Variants in GORASP1 observed in about 807,000 individuals in gnomAD.
GORASP1 encodes the protein golgi reassembly stacking protein 1.
GORASP1 carries 31 observed loss-of-function variants against 37.7 expected under a neutral mutation model. That is an observed-to-expected ratio of 0.82 (90% CI 0.62 to 1.11). The LOEUF (loss-of-function observed/expected upper bound fraction) is 1.11, where lower values mean the gene tolerates loss of function less well. GORASP1 is among the 50% of genes least tolerant of loss of function. The pLI, the probability that GORASP1 is intolerant of heterozygous loss-of-function variation, is 0.00. For missense variants in GORASP1, 476 were observed against 560.7 expected (o/e 0.85, Z 1.53); for synonymous variants, 204 against 224.8 (o/e 0.91, Z 0.83).
chr3:39,107,313 G>A (rs1314334811), intron 1 of GORASP1, 166 bp downstream of exon 1: 2 of 467,692 alleles, frequency 4.3e-6, no homozygotes, highest in Non-Finnish European at 7.3e-6. Flanking sequence ...CCGCGAGGCC[G>A]CCTCTCCCAG....
rs570485669 is a variant in GORASP1, at chr3:39,098,275, C to T, written c.1284G>A (p.Glu428=). 1.9e-6 allele frequency: 3 copies of T among 1,614,178 alleles called. No homozygotes were observed. The African/African-American group carries it at 4.0e-5, about 22-fold the overall frequency. The change falls in exon 9 of 9, where the codon GAG becomes GAA. Residue 428 remains glutamate (E), a synonymous_variant. Coordinates refer to ENST00000319283, the MANE Select transcript of GORASP1 (RefSeq NM_031899.4). The surrounding 1 kb of genome is among the most constrained non-coding windows in gnomAD (Gnocchi z 4.7). ...AGATCTGGGCCTGGCTGTCCAGCCC[C>T]TCAGCCTCCGTCCCAGTATCTAGGC... The part of the protein sequence containing the change: ...TEGLDTGTEA[E]GLDSQAQIST...
In GORASP1 at chr3:39,100,425, G is replaced by A. The variant is rs2035621543; in HGVS notation, c.645C>T (p.Gly215=). 1 of 1,612,670 alleles carries A rather than the reference G, an allele frequency of 6.2e-7. No individual in the cohort carries two copies. The highest frequency in any genetic ancestry group is 8.5e-7 in the Non-Finnish European group (1 of 1,179,152). Residue 215 remains glycine, a synonymous_variant, in exon 6 of 9, where the codon GGC becomes GGT. Transcript: ENST00000319283. This position sits in a 1 kb window ranked among gnomAD's most constrained non-coding sequence, Gnocchi z 4.6. ...GTGGTAGAGCAGAAGGTGGTGGGGT[G>A]CCAGGTGGCTTCTTGTGGTAGCTGG... ...QPPSYHKKPP[G]TPPPSALPLG... is the part of the protein sequence containing the mutation.
Position 39,098,191 on chromosome 3 carries a change from G to C in GORASP1, c.*45C>G. 6.3e-7 allele frequency: 1 copy of C among 1,595,490 alleles called. No individual in the cohort carries two copies. Among genetic ancestry groups the C allele is most frequent in the Admixed American group, 1.7e-5 (1 of 59,206 alleles). On this transcript the variant is annotated 3_prime_UTR_variant, in exon 9 of 9. Transcript: ENST00000319283. The surrounding 1 kb of genome is among the most constrained non-coding windows in gnomAD (Gnocchi z 4.7). ...CAGCCCGGGCTGCCTGCCCACATCT[G>C]GGCCTCATGAAATGTCATCATGGGC...
In GORASP1 at chr3:39,098,110, C is replaced by CG; in HGVS notation, c.*125_*126insC. The CG allele has an allele frequency of 8.6e-7, 1 of 1,158,558 alleles. No homozygotes were observed. Among genetic ancestry groups the CG allele is most frequent in the Non-Finnish European group, 1.2e-6 (1 of 819,044 alleles). The allele number at this position is 1,158,558 out of a possible 1,614,324, so 71.8% of individuals were successfully genotyped here. A position where few individuals can be genotyped will look rare whatever the true frequency, so the allele number is the denominator to read the frequency against. On this transcript the variant is annotated 3_prime_UTR_variant, in exon 9 of 9. Coordinates refer to ENST00000319283, the MANE Select transcript of GORASP1 (RefSeq NM_031899.4). The surrounding 1 kb of genome is among the most constrained non-coding windows in gnomAD (Gnocchi z 4.7). ...CACAAGGCCCATGGCCCCCTCTCAC[C>CG]ACCCACTGAGGCCTCATGTCCCACC...
At chr3:39,099,216 G>A (rs752717713) in intron 7 of GORASP1, 137 bp downstream of exon 7, 2 of 1,024,094 alleles carry the variant, frequency 2.0e-6, no homozygotes, top group Non-Finnish European at 3.0e-6. Context: ...ATACTAGATT[G>A]GATGATATGC....
intron 1 of GORASP1, chr3:39,106,966 T>C (rs913934838): frequency 9.6e-6 from 4 of 417,136 alleles, no homozygotes; most frequent in Middle Eastern, 4.0e-4. Flanking sequence ...ACCGGTCCTC[T>C]ACCCTCGGAA....
In GORASP1 at chr3:39,100,340, G is replaced by A. The variant is rs752936157; in HGVS notation, c.730C>T (p.Leu244=). ...TCACTCTGCCTGGAACCTGTCTCCA[G>A]GGAAGGAGAGTCCTCGGGGGTGGGT... ...PGPTPEDSPS[L]ETGSRQSDYM... The change falls in exon 6 of 9, where the codon CTG becomes TTG. Residue 244 remains leucine (L), a synonymous_variant. Coordinates refer to ENST00000319283, the MANE Select transcript of GORASP1 (RefSeq NM_031899.4). This position sits in a 1 kb window ranked among gnomAD's most constrained non-coding sequence, Gnocchi z 4.6. 38 of 1,614,060 alleles carry A rather than the reference G, an allele frequency of 2.4e-5. No individual in the cohort carries two copies. Among genetic ancestry groups the A allele is most frequent in the Non-Finnish European group, 3.1e-5 (37 of 1,180,022 alleles).
Position 39,107,617 on chromosome 3 carries a change from C to T in GORASP1, c.-76G>A. ...ACCGACCCGACGCCAGTAGCACCGACTCGCTCTCTCGGCGCTCGATTCCTG... is the reference window on the plus strand; with the variant it reads ...ACCGACCCGACGCCAGTAGCACCGATTCGCTCTCTCGGCGCTCGATTCCTG... On this transcript the variant is annotated 5_prime_UTR_variant, in exon 1 of 9. Coordinates refer to ENST00000319283, the MANE Select transcript of GORASP1 (RefSeq NM_031899.4). 3 of 1,377,514 alleles carry T rather than the reference C, an allele frequency of 2.2e-6. No homozygotes were observed. Among genetic ancestry groups the T allele is most frequent in the Non-Finnish European group, 2.9e-6 (3 of 1,022,722 alleles). The allele number at this position is 1,377,514 out of a possible 1,614,324, so 85.3% of individuals were successfully genotyped here. A position where few individuals can be genotyped will look rare whatever the true frequency, so the allele number is the denominator to read the frequency against.
At position 39,102,673 on chromosome 3, in the gene GORASP1, C is replaced by A. The variant is rs766199504; in HGVS notation, c.348+5G>T. Reference sequence around the variant, plus strand: ...ACACCCTGCCCTGCCATACCCCACACTCACCAGCACATGCCACACCTGCTC... The same window carrying A: ...ACACCCTGCCCTGCCATACCCCACAATCACCAGCACATGCCACACCTGCTC... On this transcript the variant is annotated splice_donor_5th_base_variant and intron_variant, in intron 3 of 8. Coordinates refer to ENST00000319283, the MANE Select transcript of GORASP1 (RefSeq NM_031899.4). This position sits in a 1 kb window ranked among gnomAD's most constrained non-coding sequence, Gnocchi z 5.0. 6.2e-7 allele frequency: 1 copy of A among 1,614,124 alleles called. No homozygotes were observed. The highest frequency in any genetic ancestry group is 1.1e-5 in the South Asian group (1 of 91,074).
In GORASP1 at chr3:39,103,013, C is replaced by T; in HGVS notation, c.145-132G>A. 1.2e-6 allele frequency: 1 copy of T among 847,750 alleles called. No individual in the cohort carries two copies. The highest frequency in any genetic ancestry group is 2.0e-6 in the Non-Finnish European group (1 of 505,044). The allele number at this position is 847,750 out of a possible 1,614,324, so 52.5% of individuals were successfully genotyped here. A position where few individuals can be genotyped will look rare whatever the true frequency, so the allele number is the denominator to read the frequency against. ...TCAGCAGGGTCACTGTGGGGATGGG[C>T]CAAGGTAGTGGATGGGCCAGGTTCA... On this transcript the variant is annotated intron_variant, in intron 2 of 8. Coordinates refer to ENST00000319283, the MANE Select transcript of GORASP1 (RefSeq NM_031899.4). This position sits in a 1 kb window ranked among gnomAD's most constrained non-coding sequence, Gnocchi z 5.2.
chr3:39,099,502 G>A lies in GORASP1; in HGVS notation c.767C>T (p.Ala256Val). The A allele has an allele frequency of 1.9e-6, 3 of 1,608,580 alleles. No homozygotes were observed. The highest frequency in any genetic ancestry group is 1.7e-4 in the Middle Eastern group (1 of 5,842). Reference protein sequence around the residue: ...TGSRQSDYMEALLQAPGSSME... With the variant: ...TGSRQSDYMEVLLQAPGSSME... ...GGAGGAGCCAGGTGCCTGCAGCAGGGCCTAGGAAAGAAGAAGAAATGGGTA... is the reference window on the plus strand; with the variant it reads ...GGAGGAGCCAGGTGCCTGCAGCAGGACCTAGGAAAGAAGAAGAAATGGGTA... Residue 256 changes from alanine to valine, a missense_variant and splice_region_variant, in exon 7 of 9, where the codon GCC (alanine) becomes GTC (valine). By Grantham distance (64) the Ala-to-Val change is moderately conservative. Coordinates refer to ENST00000319283, the MANE Select transcript of GORASP1 (RefSeq NM_031899.4).
At chr3:39,106,236 C>T (rs1182563995) in intron 1 of GORASP1, among the ~76,000 whole-genome samples, 1 of 152,168 alleles carries the variant, frequency 6.6e-6, no homozygotes, top group Admixed American at 6.5e-5. Context: ...GAGCTCAAAA[C>T]TTTGTTTTTG....
chr3:39,099,653 C>T, intron 6 of GORASP1, 150 bp from the exon 7 acceptor site: 1 of 880,580 alleles, frequency 1.1e-6, no homozygotes, highest in Non-Finnish European at 1.8e-6. Flanking sequence ...ACCACCCCTT[C>T]TTCTATTGGT....
At chr3:39,107,359 C>G (rs1284885494) in intron 1 of GORASP1, 120 bp downstream of exon 1, 2 of 627,798 alleles carry the variant, frequency 3.2e-6, no homozygotes, top group Non-Finnish European at 4.6e-6. Flanking sequence ...CTCCCGCCAC[C>G]CAGGCGGAAA....
chr3:39,104,270 G>A (rs1349361838), intron 1 of GORASP1, among the ~76,000 whole-genome samples: 3 of 152,162 alleles, frequency 2.0e-5, no homozygotes, highest in African/African-American at 7.2e-5. Context: ...GCCTGTGCAG[G>A]ACACCTCCTC....
At chr3:39,107,384 C>T (rs1030297706) in intron 1 of GORASP1, 95 bp downstream of exon 1, 1 of 823,602 alleles carries the variant, frequency 1.2e-6, no homozygotes, top group Non-Finnish European at 1.6e-6. Context: ...CGGGCCGGGA[C>T]CCCGCCGCAG....
chr3:39,102,589 T>C lies in GORASP1; in HGVS notation c.348+89A>G. On this transcript the variant is annotated intron_variant, in intron 3 of 8. Coordinates refer to ENST00000319283, the MANE Select transcript of GORASP1 (RefSeq NM_031899.4). The surrounding 1 kb of genome is among the most constrained non-coding windows in gnomAD (Gnocchi z 5.0). ...CCAAGGCTCCCACTCCACTCCTGCA[T>C]GTACCCCCTCACACCCCGCCCACAC... The C allele has an allele frequency of 4.6e-6, 6 of 1,301,246 alleles. No individual in the cohort carries two copies. The highest frequency in any genetic ancestry group is 6.5e-6 in the Non-Finnish European group (6 of 918,712). 80.6% of individuals were successfully genotyped at this position (1,301,246 alleles called of 1,614,324 possible). A position where few individuals can be genotyped will look rare whatever the true frequency, so the allele number is the denominator to read the frequency against.
Position 39,100,133 on chromosome 3 carries a change from A to C in GORASP1, c.765+172T>G, listed in dbSNP as rs1311614836. On this transcript the variant is annotated intron_variant, in intron 6 of 8. Coordinates refer to ENST00000319283, the MANE Select transcript of GORASP1 (RefSeq NM_031899.4). This position sits in a 1 kb window ranked among gnomAD's most constrained non-coding sequence, Gnocchi z 4.6. ...TCACTTCTAGACCCAAGGGGCAGGAAAGCCAAAAGTGAGTTTCACTGCTCC... is the reference window on the plus strand; with the variant it reads ...TCACTTCTAGACCCAAGGGGCAGGACAGCCAAAAGTGAGTTTCACTGCTCC... 6.6e-6 allele frequency among the ~76,000 whole-genome samples: 1 copy of C among 152,242 alleles called. No homozygotes were observed. The highest frequency in any genetic ancestry group is 2.4e-5 in the African/African-American group (1 of 41,458).
chr3:39,107,357 A>G (rs2036257125), intron 1 of GORASP1, 122 bp downstream of exon 1: 1 of 606,412 alleles, frequency 1.6e-6, no homozygotes, highest in African/African-American at 2.0e-5. Context: ...ACCTCCCGCC[A>G]CCCAGGCGGA....
Sources: gnomAD v4.1 joint callset for allele counts (sites outside exome capture counted in the v4.1 genomes callset) on GRCh38, gnomAD v4.1.1 for gene constraint, Gnocchi (gnomAD v3.1) non-coding constraint, MANE v1.5 for transcripts, NCBI Gene and HGNC (gene_info 2026-07-23, HGNC 2026-07-21) for gene names.